Variants in MRC1 observed in about 807,000 individuals in gnomAD.
The protein encoded by MRC1 is mannose receptor C-type 1, also known as macrophage mannose receptor 1.
Under a neutral mutation model 102.9 loss-of-function variants are expected in MRC1, and 62 were observed. That is an observed-to-expected ratio of 0.60 (90% CI 0.49 to 0.74). The LOEUF (loss-of-function observed/expected upper bound fraction) is 0.74. MRC1 is among the 30% of genes least tolerant of loss of function. The pLI, the probability that MRC1 is intolerant of heterozygous loss-of-function variation, is 0.00. For synonymous variants in MRC1, 457 were observed against 298.4 expected (o/e 1.53, Z -5.48); for missense variants, 1,237 against 862.8 (o/e 1.43, Z -5.43).
chr10:17,881,231 A>C (rs939980068), intron 21 of MRC1, 50 bp downstream of exon 21: 4 of 763,498 alleles, frequency 5.2e-6, no homozygotes, highest in Non-Finnish European at 7.3e-6. Context: ...TGGAATTCTG[A>C]CTGCAAAATG....
rs996087497 is a variant in MRC1 at position 17,849,453 on chromosome 10, A to G, written c.1064-126A>G. ...TATGTATGCTGCGAAAATAAAAACT[A>G]AATGTTACCTTTATTTGCCTAGTAA... On this transcript the variant is annotated intron_variant, in intron 6 of 29. Coordinates refer to ENST00000569591, the MANE Select transcript of MRC1 (RefSeq NM_002438.4). 4,262 of 616,158 alleles carry G rather than the reference A, an allele frequency of 6.9e-3. 153 individuals are homozygous for G. The African/African-American group carries it at 0.072, about 10-fold the overall frequency. The allele number at this position is 616,158 out of a possible 1,614,324, so 38.2% of individuals were successfully genotyped here.
At chr10:17,855,875 A>C (rs996794405) in intron 8 of MRC1, among the ~76,000 whole-genome samples, 15 of 152,130 alleles carry the variant, frequency 9.9e-5, no homozygotes, top group African/African-American at 3.4e-4. Flanking sequence ...AATAACATCA[A>C]AGTCCAAAAT....
At position 17,866,738 on chromosome 10, in the gene MRC1, A is replaced by C. The variant is rs922767877; in HGVS notation, c.1960A>C (p.Ser654Arg). 3 of 780,872 alleles carry C rather than the reference A, an allele frequency of 3.8e-6. No individual in the cohort carries two copies. The highest frequency in any genetic ancestry group is 2.7e-5 in the South Asian group (2 of 74,622). The allele number at this position is 780,872 out of a possible 1,614,324, so 48.4% of individuals were successfully genotyped here. A position where few individuals can be genotyped will look rare whatever the true frequency, so the allele number is the denominator to read the frequency against. Residue 654 changes from serine to arginine, a missense_variant, in exon 12 of 30, where the codon AGT becomes CGT. By Grantham distance (110) the Ser-to-Arg change is moderately radical. Transcript: ENST00000569591. ...PKCPEDWGAS[S>R]RTSLCFKLYA... ...ATGTCCGGAGGATTGGGGCGCCAGC[A>C]GTAGAACAAGCTTGTGTTTCAAGGT...
chr10:17,866,028 T>C (rs1833261351), intron 11 of MRC1, among the ~76,000 whole-genome samples: 1 of 152,238 alleles, frequency 6.6e-6, no homozygotes, highest in Admixed American at 6.5e-5. Context: ...TTTATGTACT[T>C]CTTTGTTCGT....
chr10:17,867,335 CCTCCTCCTCCT>C (rs1257667543), intron 12 of MRC1, among the ~76,000 whole-genome samples: 2 of 142,056 alleles, frequency 1.4e-5, no homozygotes, highest in East Asian at 4.4e-4. Flanking sequence ...TCTTCTTCTT[CCTCCTCCTCCT>C]CTTCTTCTTC....
rs995204946 is a variant in MRC1 at position 17,809,359 on chromosome 10, C to T, written c.-107C>T. 7.4e-6 allele frequency: 6 copies of T among 808,776 alleles called. No individual in the cohort carries two copies. In the East Asian group the frequency reaches 9.7e-5, roughly 13 times the overall value. The allele number at this position is 808,776 out of a possible 1,614,324, so 50.1% of individuals were successfully genotyped here. On this transcript the variant is annotated 5_prime_UTR_variant, in exon 1 of 30. Transcript: ENST00000569591. ...TCTGTAGTTCTTTTCAGCTGGGCAG[C>T]TCTGGGAACTTGGATTAGGTGGAGA...
At chr10:17,840,604 G>A in intron 4 of MRC1, 89 bp from the exon 5 acceptor site, 1 of 763,524 alleles carries the variant, frequency 1.3e-6, no homozygotes, top group Admixed American at 1.7e-5. Flanking sequence ...GTGACATTTT[G>A]ATTCAAGCAC....
At chr10:17,821,518 TG>T (rs1203606426) in intron 1 of MRC1, among the ~76,000 whole-genome samples, 2,974 of 152,168 alleles carry the variant, frequency 0.02, 47 homozygotes, top group Admixed American at 0.033. Flanking sequence ...GTTTTTTGTT[TG>T]TTTTTTTTTA....
intron 19 of MRC1, 148 bp from the exon 20 acceptor site, chr10:17,880,377 T>C (rs1833496988): frequency 1.5e-6 from 1 of 672,336 alleles, no homozygotes; most frequent in African/African-American, 1.8e-5. Context: ...GGATATTGCA[T>C]GGATACCTCT....
intron 8 of MRC1, chr10:17,854,719 G>T: frequency 4.4e-6 from 1 of 225,316 alleles, no homozygotes; most frequent in Non-Finnish European, 8.9e-6. Flanking sequence ...ACAGAGTTTT[G>T]CTCTTGCTGC....
chr10:17,867,446 G>A (rs1833293082), intron 12 of MRC1, among the ~76,000 whole-genome samples: 1 of 149,224 alleles, frequency 6.7e-6, no homozygotes, highest in African/African-American at 2.5e-5. Flanking sequence ...TTTCTCCAGT[G>A]GGGTCGTGCT....
intron 28 of MRC1, 21 bp from the exon 29 acceptor site, chr10:17,909,284 AT>A (rs546931770): frequency 0.077 from 46,040 of 595,214 alleles, 3 homozygotes; most frequent in East Asian, 0.16. Flanking sequence ...GTTTTTATAA[AT>A]TTTTTTTTTT....
chr10:17,882,953 C>T (rs1435963244), intron 21 of MRC1, among the ~76,000 whole-genome samples: 3 of 152,118 alleles, frequency 2.0e-5, no homozygotes, highest in African/African-American at 4.8e-5. Flanking sequence ...GATAAAATAA[C>T]ATTATTCCTG....
At chr10:17,876,105 CT>C (rs1187728000) in intron 17 of MRC1, among the ~76,000 whole-genome samples, 3 of 152,112 alleles carry the variant, frequency 2.0e-5, no homozygotes, top group South Asian at 2.1e-4. Flanking sequence ...TTGGTACCCC[CT>C]AGTAGAATTT....
intron 14 of MRC1, among the ~76,000 whole-genome samples, chr10:17,871,460 G>A (rs1185219268): frequency 1.3e-5 from 2 of 152,200 alleles, no homozygotes; most frequent in Non-Finnish European, 2.9e-5. Context: ...AGAGGACCTA[G>A]ACCCAGGGCC....
intron 21 of MRC1, among the ~76,000 whole-genome samples, chr10:17,882,041 T>C (rs1202934481): frequency 1.3e-5 from 2 of 151,826 alleles, no homozygotes; most frequent in African/African-American, 4.8e-5. Context: ...ATAGAGCAGA[T>C]GGTAAAATTC....
intron 2 of MRC1, among the ~76,000 whole-genome samples, chr10:17,827,151 C>T (rs1838488598): frequency 6.6e-6 from 1 of 151,796 alleles, no homozygotes; most frequent in Non-Finnish European, 1.5e-5. Context: ...GTTATTATTA[C>T]CACTTTAACT....
chr10:17,850,931 G>A (rs926394397), intron 7 of MRC1, among the ~76,000 whole-genome samples: 3,332 of 152,296 alleles, frequency 0.022, 60 homozygotes, highest in South Asian at 0.093. Flanking sequence ...CACGAGAATA[G>A]CCCAGCTGCA....
intron 28 of MRC1, among the ~76,000 whole-genome samples, chr10:17,908,127 A>G (rs1177550723): frequency 5.3e-5 from 8 of 152,224 alleles, no homozygotes; most frequent in Admixed American, 3.9e-4. Flanking sequence ...TAAGATGGAA[A>G]GTGAGACCAT....
Sources: allele counts gnomAD v4.1 joint callset (sites outside exome capture counted in the v4.1 genomes callset), GRCh38; gene constraint gnomAD v4.1.1; transcripts MANE v1.5; gene names NCBI Gene and HGNC (gene_info 2026-07-23, HGNC 2026-07-21).